The following ANAPC1 variants were observed in gnomAD, a reference collection of about 807,000 sequenced individuals.
ANAPC1 encodes the protein anaphase-promoting complex subunit 1.
In ANAPC1, 36 loss-of-function variants were observed where a neutral mutation model predicts 208.0. The observed-to-expected ratio is 0.17, with a 90% confidence interval of 0.13 to 0.23. ANAPC1 has a LOEUF of 0.23. ANAPC1 is among the 10% of genes least tolerant of loss of function. The pLI, the probability that ANAPC1 is intolerant of heterozygous loss-of-function variation, is 1.00. For missense variants in ANAPC1, 942 were observed against 2,011.6 expected, an observed-to-expected ratio of 0.47 and a Z score of 10.17; for synonymous variants, 378 against 695.2, an observed-to-expected ratio of 0.54 and a Z score of 7.18.
intron 19 of ANAPC1, among the ~76,000 whole-genome samples, chr2:111,833,515 G>A (rs2104465738): frequency 6.6e-6 from 1 of 151,892 alleles, no homozygotes; most frequent in East Asian, 1.9e-4. Context: ...TAAATTTTGT[G>A]GAAGTAAAAC....
chr2:111,880,899 A>G (rs1432480615), intron 1 of ANAPC1, 50 bp from the exon 2 acceptor site: 90 of 1,444,182 alleles, frequency 6.2e-5, no homozygotes, highest in Non-Finnish European at 8.0e-5. Flanking sequence ...CAAAACTAGA[A>G]TAAAAATACC....
At chr2:111,781,518 A>AT (rs1677273361) in intron 43 of ANAPC1, among the ~76,000 whole-genome samples, 1 of 152,294 alleles carries the variant, frequency 6.6e-6, no homozygotes, top group Non-Finnish European at 1.5e-5. Flanking sequence ...GAGTTGAATT[A>AT]AAATAAACTG....
intron 29 of ANAPC1, among the ~76,000 whole-genome samples, chr2:111,807,816 C>T (rs1376718779): frequency 6.6e-6 from 1 of 150,536 alleles, no homozygotes; most frequent in East Asian, 1.9e-4. Flanking sequence ...TGAGACTGTG[C>T]AATGACACCA....
At chr2:111,864,402 CAAAAAA>C (rs557496899) in intron 8 of ANAPC1, among the ~76,000 whole-genome samples, 1 of 67,370 alleles carries the variant, frequency 1.5e-5, no homozygotes, top group Admixed American at 2.4e-4. Flanking sequence ...GTGATTTTTC[CAAAAAA>C]AAAAAAAAAA....
rs1389766494 is a variant in ANAPC1 at position 111,834,777 on chromosome 2, C to A, written c.2211G>T (p.Gln737His). The change falls in exon 19 of 48, where the codon CAG (glutamine) becomes CAT (histidine). Residue 737 changes from glutamine (Q) to histidine (H), a missense_variant. Physicochemically the swap from Gln to His is conservative, Grantham distance 24. Coordinates refer to ENST00000341068, the MANE Select transcript of ANAPC1 (RefSeq NM_022662.4). ...TCTGTGAAAAATCCTCATCCTTCAT[C>A]TGTGAAGCTTCTGAAGGACTCAGAC... is the stretch of plus-strand genomic sequence containing the variant. ...SLCLSPSEASQMKDEDFSQNL... is the reference protein window; with the variant it reads ...SLCLSPSEASHMKDEDFSQNL... The A allele has an allele frequency of 6.2e-7, 1 of 1,613,200 alleles. No homozygotes were observed. The highest frequency in any genetic ancestry group is 8.5e-7 in the Non-Finnish European group (1 of 1,179,692).
At chr2:111,830,612 CAT>C (rs1190391467) in intron 21 of ANAPC1, among the ~76,000 whole-genome samples, 1 of 152,164 alleles carries the variant, frequency 6.6e-6, no homozygotes, top group African/African-American at 2.4e-5. Flanking sequence ...CTGCAAACCA[CAT>C]ATCTGACAAA....
intron 35 of ANAPC1, among the ~76,000 whole-genome samples, 172 bp from the exon 36 acceptor site, chr2:111,794,495 G>T (rs1309825369): frequency 1.3e-5 from 2 of 151,790 alleles, no homozygotes; most frequent in East Asian, 3.9e-4. Context: ...GAAGCATCGG[G>T]TCACCTTACT....
chr2:111,864,889 T>C lies in ANAPC1; in HGVS notation c.748A>G (p.Asn250Asp), dbSNP rs553979491. ...VDHAMKIVFL[N>D]TDPSIVMTYD... is the part of the protein sequence containing the mutation. ...GTCATTACAATAGAGGGGTCAGTATTGAGGAAAACAATTTTCATTGCATGA... is the reference window on the plus strand; with the variant it reads ...GTCATTACAATAGAGGGGTCAGTATCGAGGAAAACAATTTTCATTGCATGA... Residue 250 changes from asparagine to aspartate, a missense_variant, in exon 8 of 48, where the codon AAT (asparagine) becomes GAT (aspartate). Asn to Asp is a conservative substitution (Grantham distance 23). Coordinates refer to ENST00000341068, the MANE Select transcript of ANAPC1 (RefSeq NM_022662.4). The C allele has an allele frequency of 3.7e-6, 6 of 1,611,672 alleles. No homozygotes were observed. In the East Asian group the frequency reaches 1.1e-4, roughly 30 times the overall value.
At chr2:111,810,263 G>A (rs555516275) in intron 28 of ANAPC1, among the ~76,000 whole-genome samples, 9 of 151,002 alleles carry the variant, frequency 6.0e-5, no homozygotes, top group East Asian at 5.9e-4. Flanking sequence ...CCATAGACAC[G>A]GAAAGTAGAT....
chr2:111,766,687 A>C (rs1407526746), downstream of ANAPC1: 2 of 284,582 alleles, frequency 7.0e-6, no homozygotes, highest in African/African-American at 4.5e-5. Context: ...TTGGATTTTC[A>C]CATGCTCTGG....
At chr2:111,802,148 T>C (rs1297551562) in intron 33 of ANAPC1, among the ~76,000 whole-genome samples, 1 of 151,558 alleles carries the variant, frequency 6.6e-6, no homozygotes, top group Non-Finnish European at 1.5e-5. Context: ...CAAAGTCCTA[T>C]TTGTGAAATT....
At chr2:111,832,117 ACC>A (rs1680173415) in intron 20 of ANAPC1, among the ~76,000 whole-genome samples, 1 of 149,436 alleles carries the variant, frequency 6.7e-6, no homozygotes, top group Admixed American at 6.7e-5. Flanking sequence ...ACATGGTGAA[ACC>A]CCATCACTAC....
At chr2:111,869,492 G>A (rs1217443575) in intron 6 of ANAPC1, among the ~76,000 whole-genome samples, 6 of 152,140 alleles carry the variant, frequency 3.9e-5, no homozygotes, top group Non-Finnish European at 5.9e-5. Context: ...TGATCCACTC[G>A]CCTCGGCCTC....
In ANAPC1 at chr2:111,873,456, G is replaced by A. The variant is rs534272935; in HGVS notation, c.428-48C>T. The stretch of plus-strand genomic sequence containing the variant: ...GACTTATGTGTTTTTTCCCTCAAAG[G>A]AGTTCAATCCTAACAGCACAAATTA... On this transcript the variant is annotated intron_variant, in intron 4 of 47. Coordinates refer to ENST00000341068, the MANE Select transcript of ANAPC1 (RefSeq NM_022662.4). 1.2e-3 allele frequency: 1,923 copies of A among 1,587,910 alleles called. 23 individuals carry two copies. In the African/African-American group the frequency reaches 0.018, roughly 15 times the overall value.
At chr2:111,842,001 C>T (rs1680790625) in intron 17 of ANAPC1, among the ~76,000 whole-genome samples, 1 of 152,164 alleles carries the variant, frequency 6.6e-6, no homozygotes, top group Non-Finnish European at 1.5e-5. Flanking sequence ...CCAAACATTA[C>T]TTGACCTCAC....
intron 38 of ANAPC1, among the ~76,000 whole-genome samples, chr2:111,791,492 C>T (rs1677871904): frequency 6.6e-6 from 1 of 151,560 alleles, no homozygotes; most frequent in African/African-American, 2.4e-5. Context: ...CATAACAGCC[C>T]CAAACTAGAA....
chr2:111,819,117 T>G (rs1192400067), intron 26 of ANAPC1, 159 bp from the exon 27 acceptor site: 1 of 907,960 alleles, frequency 1.1e-6, no homozygotes, highest in Non-Finnish European at 1.3e-6. Flanking sequence ...AACATGATTA[T>G]TTTCATTTTA....
chr2:111,871,672 A>C (rs1682753505), intron 6 of ANAPC1, among the ~76,000 whole-genome samples: 1 of 151,846 alleles, frequency 6.6e-6, no homozygotes, highest in South Asian at 2.1e-4. Context: ...GAATCGCTTG[A>C]ACCTGGGAGG....
At chr2:111,797,326 T>TTA (rs1678215891) in intron 34 of ANAPC1, among the ~76,000 whole-genome samples, 1 of 152,070 alleles carries the variant, frequency 6.6e-6, no homozygotes, top group Non-Finnish European at 1.5e-5. Context: ...ATTACAGAGT[T>TTA]TAGCACGTGC....
Sources: allele counts gnomAD v4.1 joint callset (sites outside exome capture counted in the v4.1 genomes callset), GRCh38; gene constraint gnomAD v4.1.1; transcripts MANE v1.5; gene names NCBI Gene and HGNC (gene_info 2026-07-23, HGNC 2026-07-21).